Variants in PUS7L observed in about 807,000 individuals in gnomAD.
The protein encoded by PUS7L is pseudouridine synthase 7 like, also known as pseudouridylate synthase PUS7L.
PUS7L carries 49 observed loss-of-function variants against 51.1 expected under a neutral mutation model. That is an observed-to-expected ratio of 0.96 (90% CI 0.76 to 1.22). The LOEUF is 1.22. Ranked by LOEUF, PUS7L falls within the 50% of genes most tolerant of loss-of-function variation. PUS7L has a pLI of 0.00. For missense variants in PUS7L, 828 were observed against 820.6 expected (o/e 1.01, Z -0.11); for synonymous variants, 277 against 276.2 (o/e 1.00, Z -0.03).
chr12:43,734,942 T>C (rs973710942), intron 7 of PUS7L, among the ~76,000 whole-genome samples: 1 of 152,236 alleles, frequency 6.6e-6, no homozygotes, highest in African/African-American at 2.4e-5. Context: ...TTTGTTCTTT[T>C]TGCATTACAG....
intron 6 of PUS7L, among the ~76,000 whole-genome samples, chr12:43,737,067 AC>A (rs943797446): frequency 2.6e-5 from 4 of 152,320 alleles, no homozygotes; most frequent in Admixed American, 6.5e-5. Context: ...CTGGACATAA[AC>A]ACAGAATTTT....
chr12:43,741,652 C>T (rs182536503), intron 5 of PUS7L, among the ~76,000 whole-genome samples: 29 of 152,276 alleles, frequency 1.9e-4, no homozygotes, highest in Admixed American at 7.8e-4. Context: ...AGTTATATTC[C>T]AGTTGCTAAA....
intron 6 of PUS7L, chr12:43,737,977 GT>G (rs1937692437): frequency 4.7e-6 from 1 of 213,996 alleles, no homozygotes; most frequent in Non-Finnish European, 9.3e-6. Flanking sequence ...ATTTGTGTTT[GT>G]ATCTCCCCCA....
chr12:43,737,635 C>T (rs987445543), intron 6 of PUS7L, among the ~76,000 whole-genome samples: 5 of 151,196 alleles, frequency 3.3e-5, no homozygotes, highest in African/African-American at 1.2e-4. Flanking sequence ...CTGTGTAGTA[C>T]ACGCAAGGCA....
In PUS7L at chr12:43,727,890, A is replaced by G. The variant is rs1383508225; in HGVS notation, c.*2486T>C. 1 of 152,308 alleles carries G rather than the reference A, an allele frequency of 6.6e-6. No individual in the cohort carries two copies. Among genetic ancestry groups the G allele is most frequent in the South Asian group, 2.1e-4 (1 of 4,830 alleles). 9.4% of individuals were successfully genotyped at this position (152,308 alleles called of 1,614,324 possible). On this transcript the variant is annotated 3_prime_UTR_variant, in exon 9 of 9. Transcript: ENST00000344862. The stretch of plus-strand genomic sequence containing the variant: ...CAAAACTTTGGAAATGGGGCTATAG[A>G]AGGTCAGCAAAGGGTAGGTTTGAGA...
Position 43,728,336 on chromosome 12 carries a change from T to C in PUS7L, c.*2040A>G, listed in dbSNP as rs902176245. ...ATAAATCAATAAATGTCTAAAATTA[T>C]AGTGCCATCTGCAGGCAAAAAAAGT... On this transcript the variant is annotated 3_prime_UTR_variant, in exon 9 of 9. Transcript: ENST00000344862. 6.6e-6 allele frequency: 1 copy of C among 152,260 alleles called. No individual in the cohort carries two copies. Among genetic ancestry groups the C allele is most frequent in the South Asian group, 2.1e-4 (1 of 4,820 alleles). 9.4% of individuals were successfully genotyped at this position (152,260 alleles called of 1,614,324 possible).
Position 43,754,732 on chromosome 12 carries a change from T to G in PUS7L, c.514A>C (p.Arg172=). ...CTAATGGCACTGTGTAAACTAGCCC[T>G]CTGGTTTTTGTCAAGGATTCTGCCT... ...SIGRILDKNQ[R]ASLHSAIRQK... The change falls in exon 2 of 9, where the codon AGG becomes CGG. Residue 172 remains arginine (R), a synonymous_variant. Transcript: ENST00000344862. 1.2e-6 allele frequency: 2 copies of G among 1,614,014 alleles called. No individual in the cohort carries two copies. Among genetic ancestry groups the G allele is most frequent in the South Asian group, 1.1e-5 (1 of 91,082 alleles).
At chr12:43,742,086 T>G (rs1381354604) in intron 5 of PUS7L, among the ~76,000 whole-genome samples, 2 of 152,236 alleles carry the variant, frequency 1.3e-5, no homozygotes, top group Non-Finnish European at 2.9e-5. Context: ...TCAAATTTAC[T>G]GCTCCCCTTT....
intron 2 of PUS7L, among the ~76,000 whole-genome samples, chr12:43,752,861 G>A (rs962571361): frequency 1.3e-5 from 2 of 152,104 alleles, no homozygotes; most frequent in African/African-American, 4.8e-5. Context: ...CTTAAAAATG[G>A]TTAAGATGGT....
chr12:43,746,160 T>C lies in PUS7L; in HGVS notation c.1149A>G (p.Arg383=). The C allele has an allele frequency of 6.5e-7, 1 of 1,531,358 alleles. No individual in the cohort carries two copies. The highest frequency in any genetic ancestry group is 9.0e-7 in the Non-Finnish European group (1 of 1,110,366). The allele number at this position is 1,531,358 out of a possible 1,614,324, so 94.9% of individuals were successfully genotyped here. A position where few individuals can be genotyped will look rare whatever the true frequency, so the allele number is the denominator to read the frequency against. ...AGTGATTTCCTTTGAGCTGACCAAG[T>C]CTCAGGGAATCATCTACAGACCGAA... ...FNIRSVDDSL[R]LGQLKGNHFD... The change falls in exon 4 of 9, where the codon AGA becomes AGG. Residue 383 remains arginine, a synonymous_variant. Coordinates refer to ENST00000344862, the MANE Select transcript of PUS7L (RefSeq NM_031292.5).
rs963107598 is a variant in PUS7L, at chr12:43,725,266, T to C, written c.*5110A>G. The C allele has an allele frequency of 5.3e-5, 8 of 152,160 alleles. No homozygotes were observed. The highest frequency in any genetic ancestry group is 8.8e-5 in the Non-Finnish European group (6 of 68,024). 9.4% of individuals were successfully genotyped at this position (152,160 alleles called of 1,614,324 possible). On this transcript the variant is annotated 3_prime_UTR_variant, in exon 9 of 9. Transcript: ENST00000344862. ...AAAATACTTTGGGAAAACTCCAAAA[T>C]GATTTGGGGATTTCCTGAAGGGATC... is the stretch of plus-strand genomic sequence containing the variant.
At chr12:43,747,765 A>G (rs1310685498) in intron 3 of PUS7L, among the ~76,000 whole-genome samples, 1 of 152,208 alleles carries the variant, frequency 6.6e-6, no homozygotes. Flanking sequence ...AGAGAAACAG[A>G]GAAAAATGTT....
chr12:43,740,499 C>A (rs986200230), intron 5 of PUS7L, among the ~76,000 whole-genome samples: 2 of 152,026 alleles, frequency 1.3e-5, no homozygotes, highest in Admixed American at 1.3e-4. Context: ...TTCAGGATCA[C>A]AAAATAAGAG....
At position 43,738,310 on chromosome 12, in the gene PUS7L, C is replaced by A; in HGVS notation, c.1444G>T (p.Glu482Ter). Residue 482 changes from glutamate to a stop codon, truncating the protein, a stop_gained and splice_region_variant, in exon 6 of 9, where the codon GAG becomes TAG. Coordinates refer to ENST00000344862, the MANE Select transcript of PUS7L (RefSeq NM_031292.5). LOFTEE classifies it high-confidence loss of function. ...NRAKKYFLQT[E>*]DAKGTLSLMP... Reference sequence around the variant, plus strand: ...GTACAGGATAAAGAAACGTAAATACCAGTTTGAAGAAAATACTTCTTTGCT... The same window carrying A: ...GTACAGGATAAAGAAACGTAAATACAAGTTTGAAGAAAATACTTCTTTGCT... The A allele has an allele frequency of 6.7e-7, 1 of 1,498,076 alleles. No homozygotes were observed. The allele number at this position is 1,498,076 out of a possible 1,614,324, so 92.8% of individuals were successfully genotyped here. A position where few individuals can be genotyped will look rare whatever the true frequency, so the allele number is the denominator to read the frequency against.
intron 4 of PUS7L, among the ~76,000 whole-genome samples, chr12:43,744,213 G>T (rs940196539): frequency 6.6e-6 from 1 of 152,124 alleles, no homozygotes; most frequent in Non-Finnish European, 1.5e-5. Context: ...CAAGGAAAAC[G>T]AAGGTAAAAC....
At chr12:43,758,527 C>A (rs1413700702) in intron 1 of PUS7L, 3 of 985,498 alleles carry the variant, frequency 3.0e-6, no homozygotes, top group Middle Eastern at 5.1e-4. Context: ...AAGGTGTCCC[C>A]GACAAGGCCA....
chr12:43,729,396 T>C lies in PUS7L; in HGVS notation c.*980A>G, dbSNP rs963959184. The C allele has an allele frequency of 2.1e-5, 8 of 383,798 alleles. No individual in the cohort carries two copies. The highest frequency in any genetic ancestry group is 1.7e-4 in the African/African-American group (8 of 48,328). 23.8% of individuals were successfully genotyped at this position (383,798 alleles called of 1,614,324 possible). On this transcript the variant is annotated 3_prime_UTR_variant, in exon 9 of 9. Transcript: ENST00000344862. The stretch of plus-strand genomic sequence containing the variant: ...TATATCTTACCAACAATGAAAGAAA[T>C]GCTCAGATCTTCCTAAATCAATACA...
intron 7 of PUS7L, among the ~76,000 whole-genome samples, chr12:43,732,492 C>G (rs1170984182): frequency 2.0e-5 from 3 of 151,890 alleles, no homozygotes; most frequent in African/African-American, 7.3e-5. Context: ...TGGTATTTCT[C>G]AGCATTTGTT....
intron 5 of PUS7L, 141 bp downstream of exon 5, chr12:43,742,316 T>A (rs1186275702): frequency 6.6e-6 from 4 of 608,236 alleles, no homozygotes; most frequent in African/African-American, 3.8e-5. Flanking sequence ...AGCAGCTTAC[T>A]AAATGTTCAG....
Sources: allele counts gnomAD v4.1 joint callset (sites outside exome capture counted in the v4.1 genomes callset), GRCh38; gene constraint gnomAD v4.1.1; transcripts MANE v1.5; gene names NCBI Gene and HGNC (gene_info 2026-07-23, HGNC 2026-07-21).